PRSS41: variants seen among roughly 807,000 people sequenced by gnomAD.
PRSS41 encodes serine protease 41.
Under a neutral mutation model 28.8 loss-of-function variants are expected in PRSS41, and 37 were observed. That is an observed-to-expected ratio of 1.29 (90% CI 0.99 to 1.69). The LOEUF is 1.69. PRSS41 is among the 40% of genes most tolerant of loss of function. PRSS41 has a pLI of 0.00. For missense variants in PRSS41, 431 were observed against 400.7 expected, an observed-to-expected ratio of 1.08 and a Z score of -0.65; for synonymous variants, 195 against 163.1, an observed-to-expected ratio of 1.20 and a Z score of -1.49.
At chr16:2,798,862 C>G (rs1290951061) in intron 2 of PRSS41, 97 bp from the exon 3 acceptor site, 16 of 1,351,992 alleles carry the variant, frequency 1.2e-5, no homozygotes, top group Non-Finnish European at 1.5e-5. Context: ...CCCCGGGGAG[C>G]CCCCCGCTGC....
Position 2,800,603 on chromosome 16 carries a change from T to C in PRSS41, c.541+1034T>C, listed in dbSNP as rs563200178. 3.3e-5 allele frequency among the ~76,000 whole-genome samples: 5 copies of C among 151,552 alleles called. No homozygotes were observed. The South Asian group carries it at 1.0e-3, about 32-fold the overall frequency. On this transcript the variant is annotated intron_variant, in intron 4 of 5. Transcript: ENST00000399677. ...TACCTGTGCCCTAGGCACTTACCAT[T>C]AGTGGAGCTGGCTGGACTAGAAGTG... is the stretch of plus-strand genomic sequence containing the variant.
chr16:2,804,921 C>T, exon 6 of PRSS41: 5 of 1,582,786 alleles, frequency 3.2e-6, no homozygotes, highest in Non-Finnish European at 4.3e-6. Flanking sequence ...CAGGGTGACT[C>T]AGGTGGACCC....
chr16:2,800,189 G>T (rs1436813946), intron 4 of PRSS41, among the ~76,000 whole-genome samples: 1 of 152,164 alleles, frequency 6.6e-6, no homozygotes, highest in East Asian at 1.9e-4. Flanking sequence ...TAACACACTG[G>T]TAAGTACTTA....
intron 2 of PRSS41, 87 bp downstream of exon 2, chr16:2,798,749 C>T (rs1261133282): frequency 7.7e-7 from 1 of 1,299,872 alleles, no homozygotes; most frequent in Non-Finnish European, 1.0e-6. Flanking sequence ...TTCCAGGTCC[C>T]GAGAACGTGA....
chr16:2,801,511 G>C (rs926545376), intron 4 of PRSS41, among the ~76,000 whole-genome samples: 10 of 151,446 alleles, frequency 6.6e-5, no homozygotes, highest in African/African-American at 2.4e-4. Context: ...TTGTGTCCCT[G>C]ATTACTTGAG....
chr16:2,802,062 G>C, intron 4 of PRSS41, among the ~76,000 whole-genome samples: 1 of 146,946 alleles, frequency 6.8e-6, no homozygotes, highest in South Asian at 2.1e-4. Context: ...GCTGCCGGGC[G>C]GAGATGCTCC....
At chr16:2,802,432 A>C (rs1319026359) in intron 4 of PRSS41, among the ~76,000 whole-genome samples, 4 of 149,836 alleles carry the variant, frequency 2.7e-5, no homozygotes, top group Non-Finnish European at 4.4e-5. Flanking sequence ...CTCACATCCC[A>C]GACGATGGGC....
intron 4 of PRSS41, among the ~76,000 whole-genome samples, chr16:2,802,042 G>A (rs1418045701): frequency 2.0e-4 from 29 of 148,544 alleles, no homozygotes; most frequent in Admixed American, 4.6e-4. Flanking sequence ...CCTCCCTCCC[G>A]GACGGGGTGG....
chr16:2,801,235 G>A (rs2068983659), intron 4 of PRSS41, among the ~76,000 whole-genome samples: 1 of 151,958 alleles, frequency 6.6e-6, no homozygotes, highest in Non-Finnish European at 1.5e-5. Flanking sequence ...TGCTTTATAT[G>A]TTTTGGCGAT....
intron 2 of PRSS41, 43 bp downstream of exon 2, chr16:2,798,705 C>T: frequency 1.4e-6 from 2 of 1,418,030 alleles, no homozygotes; most frequent in African/African-American, 3.0e-5. Context: ...GGCGGCTGGG[C>T]CGGGGTGCAC....
chr16:2,799,808 G>A (rs2068975098), intron 4 of PRSS41, among the ~76,000 whole-genome samples: 1 of 152,266 alleles, frequency 6.6e-6, no homozygotes, highest in African/African-American at 2.4e-5. Context: ...GCAGGACAGT[G>A]TGAGAGGGAG....
chr16:2,799,851 G>A (rs561697263), intron 4 of PRSS41, among the ~76,000 whole-genome samples: 1 of 152,368 alleles, frequency 6.6e-6, no homozygotes, highest in African/African-American at 2.4e-5. Flanking sequence ...GGAGTGAGGG[G>A]GAGTTCGGGA....
chr16:2,799,542 G>A (rs1025312655), exon 4 of PRSS41: 7 of 1,551,706 alleles, frequency 4.5e-6, no homozygotes, highest in Non-Finnish European at 6.1e-6. Flanking sequence ...CTGGGTGACC[G>A]GCTGGGGGTT....
chr16:2,804,525 T>C lies in PRSS41; in HGVS notation c.678T>C (p.Asp226=), dbSNP rs371957092. ...CCATGTTTTGTGCTGGTGCTGAGGA[T>C]GGCAGTGTAGACACCTGCAAAGTGA... Residue 226 remains aspartate, a synonymous_variant, in exon 5 of 6, where the codon GAT becomes GAC. Coordinates refer to ENST00000399677, the Ensembl canonical transcript of PRSS41. 79 of 1,551,108 alleles carry C rather than the reference T, an allele frequency of 5.1e-5. No homozygotes were observed. The African/African-American group carries it at 9.3e-4, about 18-fold the overall frequency.
In PRSS41 at chr16:2,798,613, G is replaced by A. The variant is rs763136405; in HGVS notation, c.65-23G>A. The A allele has an allele frequency of 1.6e-5, 25 of 1,523,494 alleles. No individual in the cohort carries two copies. The East Asian group carries it at 6.1e-4, about 37-fold the overall frequency. The allele number at this position is 1,523,494 out of a possible 1,614,324, so 94.4% of individuals were successfully genotyped here. A position where few individuals can be genotyped will look rare whatever the true frequency, so the allele number is the denominator to read the frequency against. ...GGAGGCCGGGAGGTGGAGGCCGCGA[G>A]GGTCACTTCTTGTGTCCTGCAGAGT... On this transcript the variant is annotated intron_variant, in intron 1 of 5. Transcript: ENST00000399677.
At chr16:2,800,335 G>A (rs2068977736) in intron 4 of PRSS41, among the ~76,000 whole-genome samples, 1 of 152,158 alleles carries the variant, frequency 6.6e-6, no homozygotes, top group Non-Finnish European at 1.5e-5. Flanking sequence ...GAGGTCAGGA[G>A]TTCGAGACCA....
chr16:2,803,708 T>C (rs2150800364), intron 4 of PRSS41, among the ~76,000 whole-genome samples: 1 of 152,378 alleles, frequency 6.6e-6, no homozygotes, highest in East Asian at 1.9e-4. Context: ...AAGGATTCCT[T>C]TATCCACTTC....
chr16:2,802,061 C>A (rs1177452512), intron 4 of PRSS41, among the ~76,000 whole-genome samples: 1 of 147,018 alleles, frequency 6.8e-6, no homozygotes, highest in African/African-American at 2.6e-5. Context: ...GGCTGCCGGG[C>A]GGAGATGCTC....
At chr16:2,798,502 G>C in exon 1 of PRSS41, 2 of 1,307,660 alleles carry the variant, frequency 1.5e-6, no homozygotes, top group Non-Finnish European at 2.1e-6. Flanking sequence ...CGCGCGGGGC[G>C]CTGCTGCTGG....
Sources: allele counts gnomAD v4.1 joint callset (sites outside exome capture counted in the v4.1 genomes callset), GRCh38; gene constraint gnomAD v4.1.1; transcripts MANE v1.5; gene names NCBI Gene and HGNC (gene_info 2026-07-23, HGNC 2026-07-21).